TTC7A: variants seen among roughly 807,000 people sequenced by gnomAD.
The protein encoded by TTC7A is tetratricopeptide repeat domain 7A, also known as tetratricopeptide repeat protein 7A.
A neutral mutation model predicts 103.7 loss-of-function variants in TTC7A; 110 were observed. The observed-to-expected ratio is 1.06, with a 90% CI of 0.91 to 1.24. The LOEUF is 1.24. Ranked by LOEUF, TTC7A falls within the 50% of genes most tolerant of loss-of-function variation. The probability of loss-of-function intolerance (pLI) is 0.00; values close to 1 mark genes in which losing one functional copy is unlikely to be tolerated. For synonymous variants in TTC7A, 521 were observed against 467.9 expected (o/e 1.11, Z -1.47); for missense variants, 1,340 against 1,116.3 (o/e 1.20, Z -2.86).
At chr2:46,951,127 A>G (rs948932225) in intron 2 of TTC7A, among the ~76,000 whole-genome samples, 5 of 152,204 alleles carry the variant, frequency 3.3e-5, no homozygotes, top group African/African-American at 4.8e-5. Context: ...GGGCAAGCCC[A>G]TTTAAGTCCA....
At chr2:47,029,866 T>C (rs1680333235) in intron 15 of TTC7A, among the ~76,000 whole-genome samples, 1 of 152,192 alleles carries the variant, frequency 6.6e-6, no homozygotes, top group African/African-American at 2.4e-5. Context: ...CCTCATTTAC[T>C]GCATCAGCCA....
At position 46,927,355 on chromosome 2, in the gene TTC7A, A is replaced by ATTTT. The variant is rs60808815; in HGVS notation, c.82+10094_82+10097dup. Among the ~76,000 whole-genome samples the ATTTT allele has an allele frequency of 2.9e-3, 380 of 132,866 alleles. 1 individual carries two copies. The highest frequency in any genetic ancestry group is 5.0e-3 in the Non-Finnish European group (310 of 62,554). The allele number at this position is 132,866 out of a possible 152,430, so 87.2% of individuals were successfully genotyped here. A position where few individuals can be genotyped will look rare whatever the true frequency, so the allele number is the denominator to read the frequency against. On this transcript the variant is annotated intron_variant, in intron 2 of 20. Coordinates refer to the TTC7A transcript ENST00000409245. ...TATTAAAGATAGAGGAGAAAAAAAG[A>ATTTT]TTTTTTTTTTTTTTTTTTTGAGATG...
At chr2:47,047,361 T>C (rs1410612013) in intron 16 of TTC7A, 2 of 1,485,108 alleles carry the variant, frequency 1.3e-6, no homozygotes, top group Non-Finnish European at 1.8e-6. Flanking sequence ...GTAAAACACC[T>C]TGGGCAAAGT....
At chr2:47,066,848 G>A (rs546032984) in intron 19 of TTC7A, among the ~76,000 whole-genome samples, 2 of 152,344 alleles carry the variant, frequency 1.3e-5, no homozygotes, top group African/African-American at 4.8e-5. Flanking sequence ...GAGCCACCAT[G>A]TGTGGCCTTT....
chr2:46,953,932 G>C lies in TTC7A; in HGVS notation c.349-2907G>C, dbSNP rs988769729. 2.6e-5 allele frequency among the ~76,000 whole-genome samples: 4 copies of C among 151,800 alleles called. No individual in the cohort carries two copies. The East Asian group carries it at 7.8e-4, about 29-fold the overall frequency. ...CTTGCCTTGGTCTCCCAAAGTGCTGGGATTACAGGTGTGAGCCACTGTGCC... is the reference window on the plus strand; with the variant it reads ...CTTGCCTTGGTCTCCCAAAGTGCTGCGATTACAGGTGTGAGCCACTGTGCC... On this transcript the variant is annotated intron_variant, in intron 2 of 19. Transcript: ENST00000319190.
chr2:46,999,625 G>A (rs1676585883), intron 8 of TTC7A: 2 of 985,452 alleles, frequency 2.0e-6, no homozygotes, highest in Admixed American at 1.2e-4. Context: ...CCCCAAATCA[G>A]AAGGAATGAC....
At position 47,019,359 on chromosome 2, in the gene TTC7A, A is replaced by T. The variant is rs1421241872; in HGVS notation, c.1393-2503A>T. On this transcript the variant is annotated intron_variant, in intron 11 of 19. Coordinates refer to ENST00000319190, the MANE Select transcript of TTC7A (RefSeq NM_020458.4). ...ACCAGCCTGGGCAACATAGTGAGAC[A>T]CCATTTTCTATTTTTAAAAAAAAAA... 5.9e-5 allele frequency among the ~76,000 whole-genome samples: 9 copies of T among 151,992 alleles called. No individual in the cohort carries two copies. The South Asian group carries it at 1.2e-3, about 21-fold the overall frequency.
intron 2 of TTC7A, among the ~76,000 whole-genome samples, chr2:46,953,125 T>C (rs1415303142): frequency 2.6e-5 from 4 of 152,190 alleles, no homozygotes; most frequent in Non-Finnish European, 5.9e-5. Context: ...AACTTAATGA[T>C]GATCTGTAAA....
intron 16 of TTC7A, among the ~76,000 whole-genome samples, chr2:47,049,462 C>T (rs1004145058): frequency 6.6e-5 from 10 of 151,984 alleles, no homozygotes; most frequent in African/African-American, 1.2e-4. Context: ...CAGGGGCCTC[C>T]GCTGGCTCTT....
chr2:47,058,548 G>A (rs1245648405), intron 18 of TTC7A, among the ~76,000 whole-genome samples: 1 of 152,200 alleles, frequency 6.6e-6, no homozygotes, highest in Non-Finnish European at 1.5e-5. Flanking sequence ...GACATAATCT[G>A]AACTAGGGTA....
chr2:47,006,765 A>G, intron 10 of TTC7A, 41 bp downstream of exon 10: 1 of 1,487,286 alleles, frequency 6.7e-7, no homozygotes, highest in Non-Finnish European at 9.4e-7. Flanking sequence ...ACTCACCCGC[A>G]GGGGGCTCTG....
At chr2:46,916,963 C>T (rs191668010) in intron 1 of TTC7A, among the ~76,000 whole-genome samples, 1 of 151,690 alleles carries the variant, frequency 6.6e-6, no homozygotes. Flanking sequence ...GCCCTTCTCC[C>T]ATTTCTGTCC....
At chr2:46,986,304 C>T (rs918463496) in intron 5 of TTC7A, among the ~76,000 whole-genome samples, 7 of 152,158 alleles carry the variant, frequency 4.6e-5, no homozygotes, top group Middle Eastern at 3.2e-3. Context: ...CTTACTACCC[C>T]GTGAGGGGAG....
chr2:47,008,410 T>C (rs1397953595), intron 10 of TTC7A, among the ~76,000 whole-genome samples: 1 of 152,214 alleles, frequency 6.6e-6, no homozygotes, highest in African/African-American at 2.4e-5. Flanking sequence ...GTCTTCTGCC[T>C]CTGACTAGCT....
intron 2 of TTC7A, among the ~76,000 whole-genome samples, chr2:46,934,886 C>T (rs9917391): frequency 0.38 from 56,712 of 147,926 alleles, 11,458 homozygotes; most frequent in East Asian, 0.63. Flanking sequence ...CTGCAACCTC[C>T]GCCTCCCGGG....
chr2:46,944,907 C>G (rs1162898167), intron 1 of TTC7A, among the ~76,000 whole-genome samples: 1 of 150,280 alleles, frequency 6.7e-6, no homozygotes, highest in African/African-American at 2.4e-5. Context: ...CTAACAATTA[C>G]GTTTTACAAT....
intron 19 of TTC7A, among the ~76,000 whole-genome samples, chr2:47,064,287 C>G (rs1353819618): frequency 2.0e-5 from 3 of 152,230 alleles, no homozygotes; most frequent in Non-Finnish European, 2.9e-5. Context: ...GAAGTGTGCT[C>G]TCTGCAGTGG....
intron 5 of TTC7A, among the ~76,000 whole-genome samples, chr2:46,988,506 G>A (rs1350384124): frequency 6.6e-6 from 1 of 152,226 alleles, no homozygotes; most frequent in Admixed American, 6.5e-5. Context: ...CATCTGGCCA[G>A]GGCCATATGC....
intron 5 of TTC7A, among the ~76,000 whole-genome samples, chr2:46,989,956 G>A (rs1266521356): frequency 1.3e-5 from 2 of 152,140 alleles, no homozygotes; most frequent in Non-Finnish European, 2.9e-5. Context: ...GAGCTCATTT[G>A]GCAATGCAGA....
Sources: gnomAD v4.1 joint callset for allele counts (sites outside exome capture counted in the v4.1 genomes callset) on GRCh38, gnomAD v4.1.1 for gene constraint, MANE v1.5 for transcripts, NCBI Gene and HGNC (gene_info 2026-07-23, HGNC 2026-07-21) for gene names.